Variants in JAKMIP2 observed in about 807,000 individuals in gnomAD.
JAKMIP2 encodes janus kinase and microtubule-interacting protein 2.
A neutral mutation model predicts 115.0 loss-of-function variants in JAKMIP2; 25 were observed. The observed-to-expected ratio is 0.22, with a 90% CI of 0.16 to 0.30. The LOEUF is 0.30. Among genes scored for constraint, JAKMIP2 ranks in the 10% least tolerant of loss-of-function variants. The pLI is 1.00. For synonymous variants in JAKMIP2, 334 were observed against 343.6 expected (o/e 0.97, Z 0.31); for missense variants, 642 against 957.6 (o/e 0.67, Z 4.35).
intron 2 of JAKMIP2, among the ~76,000 whole-genome samples, chr5:147,664,953 C>A (rs989667056): frequency 6.6e-6 from 1 of 152,160 alleles, no homozygotes; most frequent in Non-Finnish European, 1.5e-5. Flanking sequence ...ACCAGATCAG[C>A]CCCTCCTCAA....
At chr5:147,753,276 A>T (rs1281675625) in intron 1 of JAKMIP2, among the ~76,000 whole-genome samples, 1 of 152,234 alleles carries the variant, frequency 6.6e-6, no homozygotes, top group East Asian at 1.9e-4. Context: ...TAAGGCACTT[A>T]ATACAAGTTA....
chr5:147,773,364 A>G (rs977618272), intron 1 of JAKMIP2, among the ~76,000 whole-genome samples: 3 of 152,186 alleles, frequency 2.0e-5, no homozygotes, highest in African/African-American at 7.2e-5. Context: ...GAACTGATCA[A>G]TTCTGCTTAG....
At chr5:147,662,374 G>A (rs1055122707) in intron 2 of JAKMIP2, among the ~76,000 whole-genome samples, 1 of 152,080 alleles carries the variant, frequency 6.6e-6, no homozygotes, top group Middle Eastern at 3.4e-3. Context: ...AAAATATTTC[G>A]AATAAGCTTT....
chr5:147,619,135 A>T (rs1051473490), intron 18 of JAKMIP2, among the ~76,000 whole-genome samples: 6 of 152,072 alleles, frequency 3.9e-5, no homozygotes, highest in Admixed American at 3.9e-4. Flanking sequence ...CTACAATCTT[A>T]TCCCTTCTAA....
At chr5:147,750,464 G>C (rs1170623583) in intron 1 of JAKMIP2, among the ~76,000 whole-genome samples, 1 of 151,768 alleles carries the variant, frequency 6.6e-6, no homozygotes, top group African/African-American at 2.4e-5. Context: ...GTTAAGAGCT[G>C]CAAGATTAAG....
chr5:147,677,732 G>T (rs1375183969), intron 1 of JAKMIP2, among the ~76,000 whole-genome samples: 1 of 152,112 alleles, frequency 6.6e-6, no homozygotes, highest in East Asian at 1.9e-4. Flanking sequence ...TGTATTTATG[G>T]TGTACAATAT....
intron 1 of JAKMIP2, among the ~76,000 whole-genome samples, chr5:147,742,029 G>A (rs913178357): frequency 3.3e-5 from 5 of 151,254 alleles, no homozygotes; most frequent in Admixed American, 1.3e-4. Flanking sequence ...CTGCTAACTA[G>A]TGTAATATTA....
chr5:147,593,144 C>G (rs113160909), intron 21 of JAKMIP2, among the ~76,000 whole-genome samples: 2 of 152,204 alleles, frequency 1.3e-5, no homozygotes, highest in Admixed American at 6.5e-5. Flanking sequence ...AGGGCAGAGA[C>G]AGGCGCTACA....
At chr5:147,658,578 T>A (rs1400086344) in intron 3 of JAKMIP2, among the ~76,000 whole-genome samples, 2 of 152,190 alleles carry the variant, frequency 1.3e-5, no homozygotes, top group Non-Finnish European at 2.9e-5. Flanking sequence ...TCAGCCAGTA[T>A]CTTCAGAGCC....
intron 16 of JAKMIP2, among the ~76,000 whole-genome samples, chr5:147,627,984 C>T (rs867564480): frequency 1.3e-5 from 2 of 150,712 alleles, no homozygotes; most frequent in Admixed American, 6.6e-5. Context: ...ACCATGTGCA[C>T]ATGACTCTCA....
chr5:147,636,187 T>C (rs1437657703), intron 12 of JAKMIP2, 35 bp downstream of exon 12: 12 of 1,570,100 alleles, frequency 7.6e-6, no homozygotes, highest in Admixed American at 3.4e-5. Flanking sequence ...CATGATTTTC[T>C]CCTCTGCCCC....
At chr5:147,769,324 G>A (rs750292860) in intron 1 of JAKMIP2, among the ~76,000 whole-genome samples, 15 of 152,074 alleles carry the variant, frequency 9.9e-5, no homozygotes, top group Non-Finnish European at 1.9e-4. Context: ...CTACGGAGAG[G>A]GCGGCAAAAG....
intron 16 of JAKMIP2, among the ~76,000 whole-genome samples, chr5:147,626,678 A>C (rs984957385): frequency 7.2e-5 from 11 of 152,216 alleles, no homozygotes; most frequent in African/African-American, 2.7e-4. Flanking sequence ...GTTGGTTCTG[A>C]TAAGTACAGT....
intron 1 of JAKMIP2, among the ~76,000 whole-genome samples, chr5:147,728,095 T>G (rs187179072): frequency 6.6e-6 from 1 of 152,312 alleles, no homozygotes; most frequent in Admixed American, 6.5e-5. Flanking sequence ...TTTTTAGGGG[T>G]ATCAGAAATT....
rs753310159 is a variant in JAKMIP2 at position 147,644,211 on chromosome 5, AG to A, written c.1084-14del. On this transcript the variant is annotated splice_polypyrimidine_tract_variant and intron_variant, in intron 6 of 21. Coordinates refer to ENST00000616793, the MANE Select transcript of JAKMIP2 (RefSeq NM_001270941.2). ...TTATTTTTTCTCTCTGGATTGGAAA[AG>A]AAGAAAGTACAGGTGGAGACTTTAA... 3 of 1,558,006 alleles carry A rather than the reference AG, an allele frequency of 1.9e-6. No homozygotes were observed. Among genetic ancestry groups the A allele is most frequent in the Non-Finnish European group, 2.6e-6 (3 of 1,143,412 alleles).
At chr5:147,685,270 A>T (rs1760512062) in intron 1 of JAKMIP2, among the ~76,000 whole-genome samples, 1 of 152,212 alleles carries the variant, frequency 6.6e-6, no homozygotes, top group South Asian at 2.1e-4. Flanking sequence ...GTTGAAGATG[A>T]TACCCAACTC....
chr5:147,721,728 C>T (rs1753310330), intron 1 of JAKMIP2, among the ~76,000 whole-genome samples: 1 of 152,140 alleles, frequency 6.6e-6, no homozygotes, highest in African/African-American at 2.4e-5. Flanking sequence ...TGCGCGCACC[C>T]ACTGACCTGC....
intron 1 of JAKMIP2, among the ~76,000 whole-genome samples, chr5:147,730,001 A>G (rs1753668166): frequency 6.6e-6 from 1 of 152,118 alleles, no homozygotes; most frequent in Non-Finnish European, 1.5e-5. Context: ...CTATCTGTAA[A>G]ATAGGAAGAA....
At chr5:147,729,063 G>A (rs1274141772) in intron 1 of JAKMIP2, among the ~76,000 whole-genome samples, 1 of 152,150 alleles carries the variant, frequency 6.6e-6, no homozygotes, top group Non-Finnish European at 1.5e-5. Flanking sequence ...TGAAGAAACA[G>A]TTTTACATGC....
Sources: allele counts gnomAD v4.1 joint callset (sites outside exome capture counted in the v4.1 genomes callset), GRCh38; gene constraint gnomAD v4.1.1; transcripts MANE v1.5; gene names NCBI Gene and HGNC (gene_info 2026-07-23, HGNC 2026-07-21).